HIPK3: variants seen among roughly 807,000 people sequenced by gnomAD.
HIPK3 encodes the protein homeodomain-interacting protein kinase 3.
Under a neutral mutation model 124.2 loss-of-function variants are expected in HIPK3, and 47 were observed. The observed-to-expected ratio is 0.38, with a 90% CI of 0.30 to 0.48. The LOEUF (loss-of-function observed/expected upper bound fraction) is 0.48, where lower values mean the gene tolerates loss of function less well. Ranked by LOEUF, HIPK3 falls within the 20% of genes least tolerant of loss-of-function variation. The pLI, the probability that HIPK3 is intolerant of heterozygous loss-of-function variation, is 0.98. For missense variants in HIPK3, 1,286 were observed against 1,454.3 expected (o/e 0.88, Z 1.88); for synonymous variants, 482 against 515.2 (o/e 0.94, Z 0.87).
intron 2 of HIPK3, among the ~76,000 whole-genome samples, chr11:33,296,981 C>T (rs1376282085): frequency 2.0e-5 from 3 of 151,818 alleles, no homozygotes; most frequent in African/African-American, 7.3e-5. Flanking sequence ...TTGTGGCAAA[C>T]AGTCAAGTGG....
At chr11:33,350,170 T>C (rs1853614371) in intron 14 of HIPK3, among the ~76,000 whole-genome samples, 1 of 152,170 alleles carries the variant, frequency 6.6e-6, no homozygotes, top group Admixed American at 6.5e-5. Context: ...TTTAGCAAAA[T>C]TAAAAAGGAA....
intron 1 of HIPK3, among the ~76,000 whole-genome samples, chr11:33,279,914 A>G (rs1438617785): frequency 1.3e-5 from 2 of 151,582 alleles, no homozygotes; most frequent in Non-Finnish European, 2.9e-5. Context: ...AAAGAGCACT[A>G]ATCCCATTCA....
At chr11:33,294,578 T>A (rs1009828884) in intron 2 of HIPK3, among the ~76,000 whole-genome samples, 2 of 152,108 alleles carry the variant, frequency 1.3e-5, no homozygotes, top group Non-Finnish European at 2.9e-5. Flanking sequence ...AGTTCAATAT[T>A]ATTGATTTGA....
Position 33,257,595 on chromosome 11 carries a change from T to G in HIPK3, c.-297T>G. 1.0e-6 allele frequency: 1 copy of G among 986,468 alleles called. No individual in the cohort carries two copies. 61.1% of individuals were successfully genotyped at this position (986,468 alleles called of 1,614,324 possible). A position where few individuals can be genotyped will look rare whatever the true frequency, so the allele number is the denominator to read the frequency against. Reference sequence around the variant, plus strand: ...ACCGGCCTCCCACTACCCCTCGCCCTAGCCAAGCCGTCCCCACCCCAAATC... The same window carrying G: ...ACCGGCCTCCCACTACCCCTCGCCCGAGCCAAGCCGTCCCCACCCCAAATC... On this transcript the variant is annotated 5_prime_UTR_variant, in exon 1 of 17. Coordinates refer to ENST00000303296, the MANE Select transcript of HIPK3 (RefSeq NM_005734.5).
intron 3 of HIPK3, among the ~76,000 whole-genome samples, chr11:33,335,406 T>C (rs118105247): frequency 1.8e-3 from 274 of 152,146 alleles, no homozygotes; most frequent in Non-Finnish European, 3.4e-3. Context: ...TCGTGGAAAT[T>C]GAGCGATTTT....
Position 33,258,746 on chromosome 11 carries a change from G to T in HIPK3, c.-3+857G>T, listed in dbSNP as rs1850744247. ...CCGTCTCATCTCTGCTTGAGGAATT[G>T]CGCTGAAGAGTGTGTGCGTAAATTA... is the stretch of plus-strand genomic sequence containing the variant. On this transcript the variant is annotated intron_variant, in intron 1 of 16. Transcript: ENST00000303296. 12 of 984,432 alleles carry T rather than the reference G, an allele frequency of 1.2e-5. No homozygotes were observed. In the South Asian group the frequency reaches 5.2e-4, roughly 42 times the overall value. The allele number at this position is 984,432 out of a possible 1,614,324, so 61.0% of individuals were successfully genotyped here.
chr11:33,330,174 G>GT (rs1314878449), intron 3 of HIPK3, among the ~76,000 whole-genome samples: 4 of 151,742 alleles, frequency 2.6e-5, no homozygotes, highest in East Asian at 1.9e-4. Flanking sequence ...ATGAATGTTT[G>GT]TTTTTTTTAA....
At chr11:33,284,083 T>C (rs1476439867) in intron 1 of HIPK3, among the ~76,000 whole-genome samples, 1 of 152,238 alleles carries the variant, frequency 6.6e-6, no homozygotes, top group African/African-American at 2.4e-5. Flanking sequence ...AGGTAGTTGC[T>C]CTCATTTTTA....
intron 2 of HIPK3, among the ~76,000 whole-genome samples, chr11:33,314,129 G>C (rs1212991116): frequency 2.0e-5 from 3 of 152,132 alleles, no homozygotes; most frequent in Non-Finnish European, 4.4e-5. Flanking sequence ...GCTGAATAAT[G>C]CATTTAATAG....
In HIPK3 at chr11:33,354,144, G is replaced by A. The variant is rs956141230; in HGVS notation, c.*576G>A. ...GCCTTAAATATTTGAGGTTGTTAATGTTATTACCTATATATAAATGTTGAG... is the reference window on the plus strand; with the variant it reads ...GCCTTAAATATTTGAGGTTGTTAATATTATTACCTATATATAAATGTTGAG... On this transcript the variant is annotated 3_prime_UTR_variant, in exon 17 of 17. Transcript: ENST00000303296. 6.5e-6 allele frequency: 1 copy of A among 153,404 alleles called. No individual in the cohort carries two copies. Among genetic ancestry groups the A allele is most frequent in the African/African-American group, 2.4e-5 (1 of 41,438 alleles). 9.5% of individuals were successfully genotyped at this position (153,404 alleles called of 1,614,324 possible).
intron 2 of HIPK3, among the ~76,000 whole-genome samples, chr11:33,300,689 A>G (rs1033837529): frequency 6.6e-6 from 1 of 152,006 alleles, no homozygotes. Flanking sequence ...AATATCTCTG[A>G]GGTATTCCTG....
At chr11:33,274,216 G>A (rs1851212732) in intron 1 of HIPK3, among the ~76,000 whole-genome samples, 1 of 152,120 alleles carries the variant, frequency 6.6e-6, no homozygotes, top group African/African-American at 2.4e-5. Context: ...TAGGATTCCA[G>A]TTTACCTGTT....
intron 3 of HIPK3, among the ~76,000 whole-genome samples, chr11:33,329,930 C>T (rs912863131): frequency 6.6e-6 from 1 of 152,328 alleles, no homozygotes; most frequent in East Asian, 1.9e-4. Context: ...AGGACACCCT[C>T]TAGTGGCAAT....
chr11:33,345,988 C>A (rs1184750469), intron 8 of HIPK3, among the ~76,000 whole-genome samples: 11 of 152,120 alleles, frequency 7.2e-5, no homozygotes. Flanking sequence ...CATTTATCCC[C>A]AAATTGATTA....
At chr11:33,330,918 C>G (rs1236454116) in intron 3 of HIPK3, among the ~76,000 whole-genome samples, 2 of 151,442 alleles carry the variant, frequency 1.3e-5, no homozygotes, top group Non-Finnish European at 2.9e-5. Flanking sequence ...GGGTCTCACT[C>G]TGTCGCCCAG....
chr11:33,265,880 T>C (rs1590336866), intron 1 of HIPK3, among the ~76,000 whole-genome samples: 1 of 142,920 alleles, frequency 7.0e-6, no homozygotes, highest in Non-Finnish European at 1.5e-5. Context: ...GGTCAGGAGG[T>C]CGAGACCATC....
intron 1 of HIPK3, among the ~76,000 whole-genome samples, chr11:33,262,259 CTT>C (rs932290930): frequency 6.6e-6 from 1 of 152,158 alleles, no homozygotes; most frequent in Admixed American, 6.5e-5. Context: ...GGAAGAACAA[CTT>C]AATATTAGTG....
intron 1 of HIPK3, among the ~76,000 whole-genome samples, chr11:33,272,479 T>G (rs1005136050): frequency 7.9e-5 from 12 of 152,248 alleles, no homozygotes; most frequent in Admixed American, 7.8e-4. Context: ...CTTAACTCTT[T>G]AGATGTTTGT....
chr11:33,262,677 C>G (rs1450327244), intron 1 of HIPK3, among the ~76,000 whole-genome samples: 2 of 152,228 alleles, frequency 1.3e-5, no homozygotes, highest in African/African-American at 2.4e-5. Context: ...TGAGAAGGCT[C>G]TTTTCAACAG....
Sources: gnomAD v4.1 joint callset for allele counts (sites outside exome capture counted in the v4.1 genomes callset) on GRCh38, gnomAD v4.1.1 for gene constraint, MANE v1.5 for transcripts, NCBI Gene and HGNC (gene_info 2026-07-23, HGNC 2026-07-21) for gene names.